The following FBXO4 variants were observed in gnomAD, a reference collection of about 807,000 sequenced individuals.
FBXO4 encodes the protein F-box only protein 4.
A neutral mutation model predicts 43.7 loss-of-function variants in FBXO4; 36 were observed. The observed-to-expected ratio is 0.82, with a 90% CI of 0.63 to 1.09. The LOEUF is 1.09. FBXO4 is among the 50% of genes least tolerant of loss of function. The probability of loss-of-function intolerance (pLI) is 0.00; values close to 1 mark genes in which losing one functional copy is unlikely to be tolerated. For synonymous variants in FBXO4, 180 were observed against 165.6 expected, an observed-to-expected ratio of 1.09 and a Z score of -0.67; for missense variants, 435 against 474.1, an observed-to-expected ratio of 0.92 and a Z score of 0.77.
rs2231917 is a variant in FBXO4 at position 41,925,333 on chromosome 5, C to G, written c.24C>G (p.Ser8Arg). The stretch of plus-strand genomic sequence containing the variant: ...CCATGGCGGGAAGCGAGCCGCGCAG[C>G]GGAACAAACTCGCCGCCGCCGCCCT... Reference protein sequence around the residue: MAGSEPRSGTNSPPPPFS... With the variant: MAGSEPRRGTNSPPPPFS... Residue 8 changes from serine (S) to arginine (R), a missense_variant, in exon 1 of 7, where the codon AGC (serine) becomes AGG (arginine). Transcript: ENST00000281623. 3.9e-3 allele frequency: 5,353 copies of G among 1,356,714 alleles called. 171 individuals carry two copies. In the Admixed American group the frequency reaches 0.08, roughly 20 times the overall value. The allele number at this position is 1,356,714 out of a possible 1,614,324, so 84.0% of individuals were successfully genotyped here. A position where few individuals can be genotyped will look rare whatever the true frequency, so the allele number is the denominator to read the frequency against.
chr5:41,981,225 A>G, the FBXO4 span, among the ~76,000 whole-genome samples: 1 of 152,086 alleles, frequency 6.6e-6, no homozygotes, highest in African/African-American at 2.4e-5. Flanking sequence ...CTGAGCTGGT[A>G]TGATTTAATT....
the FBXO4 span, among the ~76,000 whole-genome samples, chr5:42,003,964 T>G: frequency 3.9e-5 from 6 of 152,146 alleles, no homozygotes; most frequent in African/African-American, 1.4e-4. Flanking sequence ...AGGAAAGACT[T>G]GGAACTAACC....
chr5:41,984,592 T>G, the FBXO4 span, among the ~76,000 whole-genome samples: 1 of 152,316 alleles, frequency 6.6e-6, no homozygotes, highest in Middle Eastern at 3.4e-3. Flanking sequence ...AGCTCCATAC[T>G]TTTCTTCCCT....
the FBXO4 span, among the ~76,000 whole-genome samples, chr5:41,995,543 A>G: frequency 1.3e-5 from 2 of 152,322 alleles, no homozygotes; most frequent in South Asian, 4.1e-4. Flanking sequence ...CCCTGTCACC[A>G]TGGCCACTTT....
At chr5:41,957,730 A>G in the FBXO4 span, among the ~76,000 whole-genome samples, 1 of 151,848 alleles carries the variant, frequency 6.6e-6, no homozygotes, top group East Asian at 1.9e-4. Flanking sequence ...CTTTGGATTG[A>G]GATTTGTTGA....
chr5:42,029,417 G>A, the FBXO4 span, among the ~76,000 whole-genome samples: 11 of 151,850 alleles, frequency 7.2e-5, no homozygotes, highest in Admixed American at 5.3e-4. Flanking sequence ...ATTCGTTGAG[G>A]TGGTATTCTT....
At chr5:41,986,098 T>A in the FBXO4 span, among the ~76,000 whole-genome samples, 331 of 152,282 alleles carry the variant, frequency 2.2e-3, no homozygotes, top group African/African-American at 7.6e-3. Context: ...ATTGAAACTG[T>A]AACTTAAAAA....
At chr5:41,982,531 C>T in the FBXO4 span, among the ~76,000 whole-genome samples, 1 of 151,920 alleles carries the variant, frequency 6.6e-6, no homozygotes, top group Admixed American at 6.6e-5. Flanking sequence ...TGTATCACTT[C>T]TGTTGGTAGT....
the FBXO4 span, among the ~76,000 whole-genome samples, chr5:41,995,238 G>A: frequency 1.3e-5 from 2 of 152,204 alleles, no homozygotes; most frequent in Non-Finnish European, 2.9e-5. Context: ...AAGGCATTCC[G>A]TGAGTCCATT....
the FBXO4 span, among the ~76,000 whole-genome samples, chr5:42,006,887 GATATATATATATAT>G: frequency 2.8e-3 from 224 of 79,110 alleles, 4 homozygotes; most frequent in Middle Eastern, 0.014. Context: ...GGTTCATGCT[GATATATATATATAT>G]ATATATATAT....
At chr5:41,945,725 C>G (rs1283843765), downstream of FBXO4, among the ~76,000 whole-genome samples, 2 of 152,036 alleles carry the variant, frequency 1.3e-5, no homozygotes, top group Non-Finnish European at 2.9e-5. Flanking sequence ...TAAGATAGGG[C>G]TATATCTCAT....
chr5:41,934,040 T>G lies in FBXO4; in HGVS notation c.722+19T>G. 2 of 1,612,006 alleles carry G rather than the reference T, an allele frequency of 1.2e-6. No individual in the cohort carries two copies. The highest frequency in any genetic ancestry group is 1.7e-6 in the Non-Finnish European group (2 of 1,178,214). ...CTACCAGGTAAGGCTACATACTTGG[T>G]GGCTTAACTGAAACATCAGAACTAA... On this transcript the variant is annotated intron_variant, in intron 4 of 6. Transcript: ENST00000281623.
At chr5:41,998,907 C>T in the FBXO4 span, among the ~76,000 whole-genome samples, 49 of 151,972 alleles carry the variant, frequency 3.2e-4, no homozygotes, top group African/African-American at 1.2e-3. Context: ...CTCGGTATCT[C>T]CTTCTGAAGC....
At chr5:41,967,983 G>T in the FBXO4 span, 5 of 459,372 alleles carry the variant, frequency 1.1e-5, no homozygotes, top group African/African-American at 1.0e-4. Context: ...CCACGCTCAG[G>T]CATGGCCCTT....
chr5:41,987,844 T>G, the FBXO4 span, among the ~76,000 whole-genome samples: 2 of 152,330 alleles, frequency 1.3e-5, no homozygotes, highest in Admixed American at 1.3e-4. Flanking sequence ...TCTTAGGATT[T>G]CCATCTCTCT....
chr5:41,928,329 C>A (rs921948638), intron 2 of FBXO4, among the ~76,000 whole-genome samples: 3 of 150,848 alleles, frequency 2.0e-5, no homozygotes, highest in South Asian at 4.2e-4. Flanking sequence ...TGAGTTATTT[C>A]TTTCTTTTCT....
the FBXO4 span, among the ~76,000 whole-genome samples, chr5:42,003,398 G>C: frequency 5.0e-3 from 763 of 152,206 alleles, 6 homozygotes; most frequent in African/African-American, 0.018. Flanking sequence ...ATGAAAATGT[G>C]GTACTGTTTT....
chr5:41,939,505 G>C lies in FBXO4; in HGVS notation c.963G>C (p.Ser321=). The change falls in exon 6 of 7, where the codon TCG becomes TCC. Residue 321 remains serine (S), a synonymous_variant. Transcript: ENST00000281623. Reference sequence around the variant, plus strand: ...TGACAGATCCAGCCTTTGGGTCTTCGGGAAGACCATTGTTGGTTTTATCTT... The same window carrying C: ...TGACAGATCCAGCCTTTGGGTCTTCCGGAAGACCATTGTTGGTTTTATCTT... The part of the protein sequence containing the change: ...MAMTDPAFGS[S]GRPLLVLSCI... 2 of 1,613,396 alleles carry C rather than the reference G, an allele frequency of 1.2e-6. No individual in the cohort carries two copies. The highest frequency in any genetic ancestry group is 2.2e-5 in the South Asian group (2 of 91,042).
chr5:41,991,582 C>A, the FBXO4 span, among the ~76,000 whole-genome samples: 2 of 152,188 alleles, frequency 1.3e-5, no homozygotes, highest in Admixed American at 1.3e-4. Flanking sequence ...GTCTTCAATG[C>A]TGCTCAATAA....
Sources: allele counts gnomAD v4.1 joint callset (sites outside exome capture counted in the v4.1 genomes callset), GRCh38; gene constraint gnomAD v4.1.1; transcripts MANE v1.5; gene names NCBI Gene and HGNC (gene_info 2026-07-23, HGNC 2026-07-21).